Variants in WWC2 observed in about 807,000 individuals in gnomAD.
The protein encoded by WWC2 is protein WWC2.
Under a neutral mutation model 138.5 loss-of-function variants are expected in WWC2, and 101 were observed. The ratio of observed to expected loss-of-function variants is 0.73; its 90% CI spans 0.62 to 0.86. WWC2 has a LOEUF of 0.86. WWC2 is among the 40% of genes least tolerant of loss of function. WWC2 has a pLI of 0.00. For missense variants in WWC2, 1,420 were observed against 1,419.4 expected, an observed-to-expected ratio of 1.00 and a Z score of -0.01; for synonymous variants, 558 against 538.4, an observed-to-expected ratio of 1.04 and a Z score of -0.50.
intron 1 of WWC2, among the ~76,000 whole-genome samples, chr4:183,144,379 C>T (rs947488289): frequency 6.6e-6 from 1 of 151,204 alleles, no homozygotes; most frequent in East Asian, 1.9e-4. Flanking sequence ...ATTGCTCACT[C>T]TGAAACTTTA....
At chr4:183,275,716 G>A (rs1737832355) in intron 16 of WWC2, among the ~76,000 whole-genome samples, 1 of 151,978 alleles carries the variant, frequency 6.6e-6, no homozygotes, top group African/African-American at 2.4e-5. Flanking sequence ...TTCCATTCAG[G>A]ATTTTCGTGT....
Position 183,261,259 on chromosome 4 carries a change from C to T in WWC2, c.1636C>T (p.Leu546=). The part of the protein sequence containing the change: ...LAEAPKSVAS[L]SSRSSLSSLS... ...TGAGGCCCCGAAGTCTGTGGCCTCC[C>T]TGTCCTCGAGGTCCTCCCTTTCCTC... is the stretch of plus-strand genomic sequence containing the variant. The change falls in exon 11 of 23, where the codon CTG becomes TTG. Residue 546 remains leucine (L), a synonymous_variant. Transcript: ENST00000403733. The T allele has an allele frequency of 6.2e-7, 1 of 1,613,274 alleles. No homozygotes were observed. The highest frequency in any genetic ancestry group is 8.5e-7 in the Non-Finnish European group (1 of 1,179,610).
intron 5 of WWC2, among the ~76,000 whole-genome samples, chr4:183,242,161 T>A (rs990552646): frequency 6.6e-6 from 1 of 152,170 alleles, no homozygotes; most frequent in South Asian, 2.1e-4. Flanking sequence ...ATAAAGCTGT[T>A]CTTATTCAAA....
intron 1 of WWC2, among the ~76,000 whole-genome samples, chr4:183,159,785 C>T (rs971357327): frequency 1.3e-5 from 2 of 149,806 alleles, no homozygotes; most frequent in African/African-American, 2.5e-5. Flanking sequence ...TATTTCAAAG[C>T]AAAAATTTAT....
chr4:183,239,896 T>C (rs1322869674), intron 4 of WWC2, among the ~76,000 whole-genome samples: 3 of 152,192 alleles, frequency 2.0e-5, no homozygotes, highest in African/African-American at 7.2e-5. Context: ...GGAGTTCTTA[T>C]TCTGCCCATT....
rs144080557 is a variant in WWC2 at position 183,319,828 on chromosome 4, C to T, written c.*4099C>T. 1,838 of 1,612,802 alleles carry T rather than the reference C, an allele frequency of 1.1e-3. 14 individuals carry two copies. In the African/African-American group the frequency reaches 0.015, roughly 13 times the overall value. The stretch of plus-strand genomic sequence containing the variant: ...CAAGAGACGGGAACCAGGGCTGTGA[C>T]TCCCGAGGCCCAGGACAGAATTCCT... On this transcript the variant is annotated 3_prime_UTR_variant, in exon 23 of 23. Transcript: ENST00000403733.
intron 1 of WWC2, among the ~76,000 whole-genome samples, chr4:183,164,510 GAACT>G (rs925234736): frequency 6.6e-5 from 10 of 150,812 alleles, no homozygotes; most frequent in Non-Finnish European, 1.2e-4. Flanking sequence ...GAGAAAATTA[GAACT>G]AAGGAATTCC....
intron 14 of WWC2, among the ~76,000 whole-genome samples, chr4:183,266,838 A>G (rs1407215171): frequency 6.6e-6 from 1 of 152,174 alleles, no homozygotes; most frequent in Admixed American, 6.5e-5. Context: ...TTCCTTAATG[A>G]TAGAGTATAT....
At chr4:183,165,952 G>T (rs2111153001) in intron 1 of WWC2, among the ~76,000 whole-genome samples, 1 of 152,334 alleles carries the variant, frequency 6.6e-6, no homozygotes, top group South Asian at 2.1e-4. Flanking sequence ...CCCCAGAGTA[G>T]TAACTTGATA....
chr4:183,227,906 AAAG>A (rs1736117909), intron 4 of WWC2, among the ~76,000 whole-genome samples: 3 of 152,038 alleles, frequency 2.0e-5, no homozygotes, highest in Non-Finnish European at 4.4e-5. Flanking sequence ...AGAGGAGAGA[AAAG>A]AATAAAAAAT....
chr4:183,208,936 T>C lies in WWC2; in HGVS notation c.446-13T>C. 6.6e-7 allele frequency: 1 copy of C among 1,516,322 alleles called. No homozygotes were observed. Among genetic ancestry groups the C allele is most frequent in the Non-Finnish European group, 8.9e-7 (1 of 1,118,184 alleles). 93.9% of individuals were successfully genotyped at this position (1,516,322 alleles called of 1,614,324 possible). A position where few individuals can be genotyped will look rare whatever the true frequency, so the allele number is the denominator to read the frequency against. ...CTTGTAAATAATTAGTTTTTCTTTT[T>C]TCTCTATAAAAGTATTCTCAGGATC... On this transcript the variant is annotated splice_polypyrimidine_tract_variant and intron_variant, in intron 3 of 22. Transcript: ENST00000403733.
chr4:183,188,594 ATCTC>A (rs894981679), intron 1 of WWC2, among the ~76,000 whole-genome samples: 12 of 142,882 alleles, frequency 8.4e-5, no homozygotes, highest in East Asian at 4.2e-4. Flanking sequence ...ATCTAATATG[ATCTC>A]TCTCTCTCTA....
intron 1 of WWC2, among the ~76,000 whole-genome samples, chr4:183,190,222 A>G (rs890491782): frequency 1.3e-5 from 2 of 152,206 alleles, no homozygotes; most frequent in African/African-American, 4.8e-5. Context: ...AACAAACTCC[A>G]TCCATTTTTA....
At chr4:183,116,955 G>A (rs1482778589) in intron 1 of WWC2, among the ~76,000 whole-genome samples, 1 of 152,066 alleles carries the variant, frequency 6.6e-6, no homozygotes, top group Non-Finnish European at 1.5e-5. Flanking sequence ...AGTGTTTTCA[G>A]TTCTTTTAGA....
chr4:183,134,090 T>A (rs954223517), intron 1 of WWC2, among the ~76,000 whole-genome samples: 2 of 152,204 alleles, frequency 1.3e-5, no homozygotes, highest in African/African-American at 4.8e-5. Context: ...TAGCATAAAG[T>A]AACTCATAAT....
chr4:183,234,971 A>G (rs538067029), intron 4 of WWC2, among the ~76,000 whole-genome samples: 2 of 152,366 alleles, frequency 1.3e-5, no homozygotes, highest in East Asian at 1.9e-4. Context: ...AATGATGCCA[A>G]GTGGTTCCAA....
At chr4:183,247,640 T>G (rs1055626496) in intron 6 of WWC2, among the ~76,000 whole-genome samples, 1 of 138,230 alleles carries the variant, frequency 7.2e-6, no homozygotes. Context: ...CTATATATAC[T>G]ATATATACTA....
intron 1 of WWC2, among the ~76,000 whole-genome samples, chr4:183,137,714 G>C (rs1386672402): frequency 1.3e-5 from 2 of 152,134 alleles, no homozygotes; most frequent in African/African-American, 2.4e-5. Context: ...GCCCAGGCTT[G>C]TCTCGAACTC....
chr4:183,140,544 G>C lies in WWC2; in HGVS notation c.131+40922G>C, dbSNP rs191989461. ...CAGATTTGCCCTTGTGTTGTTAATG[G>C]GAAGATACTGACTCACGTGGGAGTC... On this transcript the variant is annotated intron_variant, in intron 1 of 22. Transcript: ENST00000403733. Among the ~76,000 whole-genome samples the C allele has an allele frequency of 1.2e-4, 19 of 152,278 alleles. No homozygotes were observed. The East Asian group carries it at 3.7e-3, about 29-fold the overall frequency.
Sources: allele counts gnomAD v4.1 joint callset (sites outside exome capture counted in the v4.1 genomes callset), GRCh38; gene constraint gnomAD v4.1.1; transcripts MANE v1.5; gene names NCBI Gene and HGNC (gene_info 2026-07-23, HGNC 2026-07-21).